RBFOX1: variants seen among roughly 807,000 people sequenced by gnomAD.
RBFOX1 encodes the protein RNA binding protein fox-1 homolog 1.
A neutral mutation model predicts 57.7 loss-of-function variants in RBFOX1; 8 were observed. The observed-to-expected ratio is 0.14, with a 90% CI of 0.08 to 0.25. The LOEUF is 0.25. Ranked by LOEUF, RBFOX1 falls within the 10% of genes least tolerant of loss-of-function variation. The pLI, the probability that RBFOX1 is intolerant of heterozygous loss-of-function variation, is 1.00. For missense variants in RBFOX1, 611 were observed against 548.5 expected (o/e 1.11, Z -1.14); for synonymous variants, 326 against 222.4 (o/e 1.47, Z -4.15).
intron 2 of RBFOX1, among the ~76,000 whole-genome samples, chr16:6,425,307 C>G (rs1010931571): frequency 3.3e-5 from 5 of 152,152 alleles, no homozygotes; most frequent in Non-Finnish European, 5.9e-5. Context: ...GCATTGATAG[C>G]TAAGCTGAAG....
In RBFOX1 at chr16:6,556,966, T is replaced by A. The variant is rs560232987; in HGVS notation, c.-63-97637T>A. Reference sequence around the variant, plus strand: ...ATGTATTAAATATTCATTATATATATAAATATACACACATACGTATATATA... The same window carrying A: ...ATGTATTAAATATTCATTATATATAAAAATATACACACATACGTATATATA... On this transcript the variant is annotated intron_variant, in intron 2 of 15. Transcript: ENST00000550418. Among the ~76,000 whole-genome samples the A allele has an allele frequency of 2.7e-5, 4 of 148,502 alleles. No homozygotes were observed. In the East Asian group the frequency reaches 7.8e-4, roughly 29 times the overall value.
At chr16:5,858,132 T>C (rs2151881227) in intron 3 of RBFOX1, among the ~76,000 whole-genome samples, 1 of 152,232 alleles carries the variant, frequency 6.6e-6, no homozygotes, top group East Asian at 1.9e-4. Context: ...GGCTCCCTCT[T>C]AGGAGCTTTT....
At chr16:6,946,613 G>C (rs746631518) in intron 3 of RBFOX1, among the ~76,000 whole-genome samples, 1 of 152,062 alleles carries the variant, frequency 6.6e-6, no homozygotes, top group Admixed American at 6.5e-5. Context: ...TGAGGGGGAA[G>C]GTAGTAGGGG....
At chr16:7,702,898 G>C (rs950261348) in intron 14 of RBFOX1, among the ~76,000 whole-genome samples, 4 of 152,196 alleles carry the variant, frequency 2.6e-5, no homozygotes, top group African/African-American at 7.2e-5. Context: ...CAATGAAATA[G>C]GATGAATATC....
At chr16:5,252,161 G>A (rs780056377) in intron 1 of RBFOX1, among the ~76,000 whole-genome samples, 2 of 152,336 alleles carry the variant, frequency 1.3e-5, no homozygotes, top group Admixed American at 1.3e-4. Flanking sequence ...GTGTGGAAGG[G>A]TGGGGACCCT....
At chr16:7,541,075 C>T (rs1373265181) in intron 5 of RBFOX1, among the ~76,000 whole-genome samples, 1 of 152,186 alleles carries the variant, frequency 6.6e-6, no homozygotes, top group Non-Finnish European at 1.5e-5. Flanking sequence ...AACCACACAC[C>T]TGGAAATCCA....
intron 2 of RBFOX1, among the ~76,000 whole-genome samples, chr16:6,569,772 G>T (rs568413643): frequency 6.0e-4 from 91 of 152,212 alleles, no homozygotes; most frequent in Admixed American, 1.4e-3. Flanking sequence ...ATACCTTCCT[G>T]AGTGGTTGGC....
At chr16:5,445,075 C>G (rs1312397626) in intron 1 of RBFOX1, among the ~76,000 whole-genome samples, 4 of 152,082 alleles carry the variant, frequency 2.6e-5, no homozygotes, top group Non-Finnish European at 5.9e-5. Flanking sequence ...CTGAAGACTC[C>G]TCTGGGTTAC....
At chr16:6,595,141 C>T (rs932585768) in intron 2 of RBFOX1, among the ~76,000 whole-genome samples, 3 of 152,120 alleles carry the variant, frequency 2.0e-5, no homozygotes, top group East Asian at 3.9e-4. Context: ...ACACCATCAG[C>T]GCATTCTAAA....
intron 4 of RBFOX1, among the ~76,000 whole-genome samples, chr16:7,213,970 G>C (rs1380293389): frequency 6.6e-6 from 1 of 152,086 alleles, no homozygotes; most frequent in Non-Finnish European, 1.5e-5. Context: ...GCACCGCAGA[G>C]CTCAGAATTA....
At chr16:7,419,540 T>C (rs934174603) in intron 4 of RBFOX1, among the ~76,000 whole-genome samples, 3 of 152,228 alleles carry the variant, frequency 2.0e-5, no homozygotes, top group Non-Finnish European at 4.4e-5. Flanking sequence ...ATACATCTGA[T>C]TACCATGGCA....
chr16:7,698,177 C>T (rs999919082), intron 14 of RBFOX1, among the ~76,000 whole-genome samples: 1 of 90,470 alleles, frequency 1.1e-5, no homozygotes, highest in African/African-American at 3.8e-5. Flanking sequence ...ACACAGAGTC[C>T]AAGAGGGTGT....
chr16:7,419,063 C>T (rs547158496), intron 4 of RBFOX1, among the ~76,000 whole-genome samples: 4 of 152,174 alleles, frequency 2.6e-5, no homozygotes, highest in South Asian at 2.1e-4. Flanking sequence ...CGTCACCACG[C>T]CCAGATAGTT....
At chr16:6,505,480 A>C (rs1046758500) in intron 2 of RBFOX1, among the ~76,000 whole-genome samples, 14 of 152,200 alleles carry the variant, frequency 9.2e-5, no homozygotes, top group African/African-American at 9.6e-5. Context: ...ATCAGAATTG[A>C]AAAATATTAG....
chr16:6,598,724 G>T (rs993483837), intron 2 of RBFOX1, among the ~76,000 whole-genome samples: 2 of 152,124 alleles, frequency 1.3e-5, no homozygotes, highest in Non-Finnish European at 2.9e-5. Context: ...GAGGCAGGCA[G>T]ATCACGAGGT....
chr16:7,280,989 CTCCT>C (rs1257640598), intron 4 of RBFOX1, among the ~76,000 whole-genome samples: 25 of 54,390 alleles, frequency 4.6e-4, no homozygotes, highest in Admixed American at 1.8e-3. Flanking sequence ...CCCTCCCTCC[CTCCT>C]TCCTTCCTTC....
intron 1 of RBFOX1, among the ~76,000 whole-genome samples, chr16:5,247,172 G>T (rs1161403992): frequency 1.3e-5 from 2 of 152,232 alleles, no homozygotes; most frequent in Non-Finnish European, 2.9e-5. Context: ...ATGGAGGCCA[G>T]TTGGGGGAGG....
intron 4 of RBFOX1, among the ~76,000 whole-genome samples, chr16:7,195,396 C>T (rs1486312042): frequency 6.6e-6 from 1 of 152,138 alleles, no homozygotes; most frequent in Non-Finnish European, 1.5e-5. Context: ...GTATCAAAGA[C>T]ATATTGAGAG....
chr16:5,824,669 C>T (rs1214194241), intron 3 of RBFOX1, among the ~76,000 whole-genome samples: 1 of 152,234 alleles, frequency 6.6e-6, no homozygotes, highest in Non-Finnish European at 1.5e-5. Flanking sequence ...CTGAGTTCCA[C>T]AATTAGGCAT....
Sources: gnomAD v4.1 joint callset for allele counts (sites outside exome capture counted in the v4.1 genomes callset) on GRCh38, gnomAD v4.1.1 for gene constraint, MANE v1.5 for transcripts, NCBI Gene and HGNC (gene_info 2026-07-23, HGNC 2026-07-21) for gene names.